Variants in SLC25A28 observed in about 807,000 individuals in gnomAD.
SLC25A28 encodes the protein solute carrier family 25 member 28, also known as mitoferrin-2.
In SLC25A28, 10 loss-of-function variants were observed where a neutral mutation model predicts 31.9. That is an observed-to-expected ratio of 0.31 (90% CI 0.19 to 0.53). SLC25A28 has a LOEUF of 0.53. Ranked by LOEUF, SLC25A28 falls within the 20% of genes least tolerant of loss-of-function variation. The probability of loss-of-function intolerance (pLI) is 0.95; values close to 1 mark genes in which losing one functional copy is unlikely to be tolerated. For missense variants in SLC25A28, 256 were observed against 490.3 expected, an observed-to-expected ratio of 0.52 and a Z score of 4.51; for synonymous variants, 208 against 203.6, an observed-to-expected ratio of 1.02 and a Z score of -0.19.
chr10:99,642,060 G>C, the SLC25A28 span, among the ~76,000 whole-genome samples: 1 of 151,792 alleles, frequency 6.6e-6, no homozygotes, highest in Non-Finnish European at 1.5e-5. Context: ...GCTCTTTTTT[G>C]GTTCCATATG....
At chr10:99,619,473 A>C (rs536832432) in intron 1 of SLC25A28, 1 of 941,310 alleles carries the variant, frequency 1.1e-6, no homozygotes, top group South Asian at 4.9e-5. Flanking sequence ...GATCTTTCCC[A>C]CATTACTTCC....
At chr10:99,637,083 T>C in the SLC25A28 span, among the ~76,000 whole-genome samples, 28 of 152,238 alleles carry the variant, frequency 1.8e-4, no homozygotes, top group Admixed American at 5.2e-4. Context: ...ATCAAAAAGA[T>C]AATACACCAC....
chr10:99,639,188 C>G, the SLC25A28 span, among the ~76,000 whole-genome samples: 1 of 151,842 alleles, frequency 6.6e-6, no homozygotes, highest in East Asian at 1.9e-4. Context: ...TTTGCATCCA[C>G]CTGGATGAGA....
At chr10:99,615,546 G>T (rs2034630761) in intron 1 of SLC25A28, 1 of 985,184 alleles carries the variant, frequency 1.0e-6, no homozygotes, top group African/African-American at 1.7e-5. Context: ...AGCTTAAAAG[G>T]TTAGTTACTG....
At chr10:99,659,023 G>T in the SLC25A28 span, among the ~76,000 whole-genome samples, 1 of 152,212 alleles carries the variant, frequency 6.6e-6, no homozygotes, top group Non-Finnish European at 1.5e-5. This position sits in a 1 kb window ranked among gnomAD's most constrained non-coding sequence, Gnocchi z 4.1. Context: ...TTTGGGAGGT[G>T]ATAGGGAAGG....
the SLC25A28 span, among the ~76,000 whole-genome samples, chr10:99,635,250 GC>G: frequency 6.6e-6 from 1 of 151,986 alleles, no homozygotes; most frequent in African/African-American, 2.4e-5. Context: ...AAAAGGCAAA[GC>G]CAAAAACAAA....
At chr10:99,625,651 T>C in the SLC25A28 span, among the ~76,000 whole-genome samples, 1 of 152,232 alleles carries the variant, frequency 6.6e-6, no homozygotes, top group African/African-American at 2.4e-5. Context: ...CTAAAGCCCA[T>C]ATATTTTTCC....
At chr10:99,647,737 T>C in the SLC25A28 span, among the ~76,000 whole-genome samples, 1 of 152,226 alleles carries the variant, frequency 6.6e-6, no homozygotes, top group Non-Finnish European at 1.5e-5. Context: ...CCTAGGTCAA[T>C]GTCCAGAAGA....
At chr10:99,633,791 C>A in the SLC25A28 span, among the ~76,000 whole-genome samples, 1 of 152,100 alleles carries the variant, frequency 6.6e-6, no homozygotes, top group South Asian at 2.1e-4. Flanking sequence ...CTTCTCCATA[C>A]TACCACAGCT....
In SLC25A28 at chr10:99,611,389, A is replaced by G. The variant is rs535176991; in HGVS notation, c.578-23T>C. 9 of 1,610,546 alleles carry G rather than the reference A, an allele frequency of 5.6e-6. No homozygotes were observed. In the South Asian group the frequency reaches 7.7e-5, roughly 14 times the overall value. ...CCACTAGTAGTGCCATCAACGAGGAAGGAAATGGTGACAGCAGCCAACCGG... is the reference window on the plus strand; with the variant it reads ...CCACTAGTAGTGCCATCAACGAGGAGGGAAATGGTGACAGCAGCCAACCGG... On this transcript the variant is annotated intron_variant, in intron 3 of 3. Transcript: ENST00000370495. This position sits in a 1 kb window ranked among gnomAD's most constrained non-coding sequence, Gnocchi z 5.5.
upstream of SLC25A28, chr10:99,622,590 A>C: frequency 1.1e-6 from 1 of 937,394 alleles, no homozygotes; most frequent in Non-Finnish European, 1.3e-6. Context: ...TCTTTTTCCT[A>C]TTCCCGTTTT....
Position 99,611,209 on chromosome 10 carries a change from G to A in SLC25A28, c.735C>T (p.Thr245=). 2 of 1,614,172 alleles carry A rather than the reference G, an allele frequency of 1.2e-6. No individual in the cohort carries two copies. Among genetic ancestry groups the A allele is most frequent in the South Asian group, 1.1e-5 (1 of 91,076 alleles). The change falls in exon 4 of 4, where the codon ACC becomes ACT. Residue 245 remains threonine (T), a synonymous_variant. Transcript: ENST00000370495. The surrounding 1 kb of genome is among the most constrained non-coding windows in gnomAD (Gnocchi z 5.5). ...NVPFQAIHFM[T]YEFLQEHFNP... ...TAAAGTGCTCCTGCAGGAATTCATAGGTCATGAAGTGAATGGCTTGGAAAG... is the reference window on the plus strand; with the variant it reads ...TAAAGTGCTCCTGCAGGAATTCATAAGTCATGAAGTGAATGGCTTGGAAAG...
chr10:99,625,958 T>A, the SLC25A28 span, among the ~76,000 whole-genome samples: 1 of 152,244 alleles, frequency 6.6e-6, no homozygotes, highest in Non-Finnish European at 1.5e-5. Context: ...ATGAGAAAGC[T>A]TGTTAAGCAA....
the SLC25A28 span, among the ~76,000 whole-genome samples, chr10:99,643,767 C>T: frequency 6.6e-6 from 1 of 152,140 alleles, no homozygotes; most frequent in African/African-American, 2.4e-5. Context: ...TATGTTGTGT[C>T]TTTGTTCTCA....
chr10:99,644,250 C>T, the SLC25A28 span, among the ~76,000 whole-genome samples: 10 of 152,188 alleles, frequency 6.6e-5, no homozygotes, highest in Admixed American at 2.6e-4. Context: ...CTGGGTGCTC[C>T]CGTATTGGGT....
upstream of SLC25A28, chr10:99,622,687 C>T (rs1401219040): frequency 6.1e-6 from 6 of 985,334 alleles, no homozygotes; most frequent in Admixed American, 6.1e-5. Context: ...ACATCTCAGT[C>T]GCTTACACTT....
At chr10:99,648,068 G>A in the SLC25A28 span, among the ~76,000 whole-genome samples, 5 of 151,388 alleles carry the variant, frequency 3.3e-5, no homozygotes, top group East Asian at 1.9e-4. Flanking sequence ...GAGTGACATC[G>A]GCTCACTGTA....
chr10:99,632,154 C>T, the SLC25A28 span, among the ~76,000 whole-genome samples: 1 of 151,906 alleles, frequency 6.6e-6, no homozygotes, highest in African/African-American at 2.4e-5. Flanking sequence ...CCTCGGCCTC[C>T]CAAAGTGCTG....
the SLC25A28 span, among the ~76,000 whole-genome samples, chr10:99,633,589 T>G: frequency 6.7e-6 from 1 of 148,376 alleles, no homozygotes; most frequent in Non-Finnish European, 1.5e-5. Context: ...CACAGCTACT[T>G]GGGAAGCTGA....
Sources: allele counts gnomAD v4.1 joint callset (sites outside exome capture counted in the v4.1 genomes callset), GRCh38; gene constraint gnomAD v4.1.1; non-coding constraint Gnocchi (gnomAD v3.1); transcripts MANE v1.5; gene names NCBI Gene and HGNC (gene_info 2026-07-23, HGNC 2026-07-21).